Variants in RBFOX1 observed in about 807,000 individuals in gnomAD.
The protein encoded by RBFOX1 is RNA binding protein fox-1 homolog 1.
Under a neutral mutation model 57.7 loss-of-function variants are expected in RBFOX1, and 8 were observed. The ratio of observed to expected loss-of-function variants is 0.14; its 90% CI spans 0.08 to 0.25. The LOEUF (loss-of-function observed/expected upper bound fraction) is 0.25, where lower values mean the gene tolerates loss of function less well. RBFOX1 is among the 10% of genes least tolerant of loss of function. The pLI is 1.00. For missense variants in RBFOX1, 611 were observed against 548.5 expected, an observed-to-expected ratio of 1.11 and a Z score of -1.14; for synonymous variants, 326 against 222.4, an observed-to-expected ratio of 1.47 and a Z score of -4.15.
At chr16:7,262,407 T>C (rs971376599) in intron 4 of RBFOX1, among the ~76,000 whole-genome samples, 2 of 152,214 alleles carry the variant, frequency 1.3e-5, no homozygotes, top group South Asian at 2.1e-4. Flanking sequence ...TTCTGGAAAA[T>C]ACGGCACTGA....
chr16:6,632,961 G>C (rs1387656860), intron 2 of RBFOX1, among the ~76,000 whole-genome samples: 6 of 152,112 alleles, frequency 3.9e-5, no homozygotes, highest in Non-Finnish European at 7.3e-5. Flanking sequence ...TTTGGGTTCT[G>C]GCAGAGGTTA....
intron 3 of RBFOX1, among the ~76,000 whole-genome samples, chr16:6,972,357 C>G (rs559625438): frequency 1.3e-5 from 2 of 152,012 alleles, no homozygotes. Flanking sequence ...TTTCTCCTTT[C>G]GTGACTGGCT....
intron 3 of RBFOX1, among the ~76,000 whole-genome samples, chr16:6,969,961 G>T (rs924792785): frequency 6.6e-6 from 1 of 152,022 alleles, no homozygotes; most frequent in Non-Finnish European, 1.5e-5. Flanking sequence ...ATAAGGACAC[G>T]TGTTATTTTA....
chr16:6,652,765 G>A (rs1415766491), intron 2 of RBFOX1, among the ~76,000 whole-genome samples: 1 of 152,108 alleles, frequency 6.6e-6, no homozygotes, highest in Non-Finnish European at 1.5e-5. Context: ...CTCTGGGAGG[G>A]GAAGTGAAGA....
intron 3 of RBFOX1, among the ~76,000 whole-genome samples, chr16:5,606,792 C>T (rs2047597735): frequency 6.6e-6 from 1 of 152,010 alleles, no homozygotes; most frequent in African/African-American, 2.4e-5. Context: ...AGTCGTAACA[C>T]TGATTGCAGG....
At chr16:6,964,601 C>T (rs536761276) in intron 3 of RBFOX1, among the ~76,000 whole-genome samples, 2 of 152,014 alleles carry the variant, frequency 1.3e-5, no homozygotes, top group African/African-American at 4.8e-5. Context: ...TTTCTGTGAA[C>T]CTAATACTCC....
intron 2 of RBFOX1, among the ~76,000 whole-genome samples, chr16:5,579,009 G>A (rs979751381): frequency 6.6e-5 from 10 of 151,918 alleles, no homozygotes; most frequent in East Asian, 1.9e-4. Context: ...CATCACGCCC[G>A]GCTAATTTTT....
intron 3 of RBFOX1, among the ~76,000 whole-genome samples, chr16:5,825,685 C>T (rs1266642064): frequency 6.6e-6 from 1 of 152,180 alleles, no homozygotes; most frequent in East Asian, 1.9e-4. Flanking sequence ...TTTCATCACC[C>T]CAAAGTAAAG....
At chr16:5,548,170 A>ATATATATAT (rs1317008346) in intron 2 of RBFOX1, among the ~76,000 whole-genome samples, 40 of 40,668 alleles carry the variant, frequency 9.8e-4, no homozygotes, top group East Asian at 1.4e-3. Flanking sequence ...AAAAAAAAAA[A>ATATATATAT]AAAAATATAT....
chr16:5,360,141 A>G (rs548251394), intron 1 of RBFOX1, among the ~76,000 whole-genome samples: 4 of 152,342 alleles, frequency 2.6e-5, no homozygotes, highest in Non-Finnish European at 5.9e-5. Context: ...ATGTTGCTCC[A>G]TAGGCTCCTG....
intron 2 of RBFOX1, among the ~76,000 whole-genome samples, chr16:6,454,467 G>T (rs1220680079): frequency 6.6e-6 from 1 of 152,118 alleles, no homozygotes; most frequent in Non-Finnish European, 1.5e-5. Flanking sequence ...TGAGGAGGGA[G>T]GATCACCTGA....
At chr16:6,689,097 T>C (rs879281441) in intron 3 of RBFOX1, among the ~76,000 whole-genome samples, 2 of 152,216 alleles carry the variant, frequency 1.3e-5, no homozygotes, top group Non-Finnish European at 2.9e-5. Flanking sequence ...GCAATAAACA[T>C]ACATGTGCAT....
rs187553978 is a variant in RBFOX1 at position 6,745,369 on chromosome 16, A to G, written c.-16+90719A>G. The stretch of plus-strand genomic sequence containing the variant: ...GAAAAAACCCCCGAAACCACAGACT[A>G]GTCTTCCTCATGAATACCTATGTGA... On this transcript the variant is annotated intron_variant, in intron 3 of 15. Transcript: ENST00000550418. Among the ~76,000 whole-genome samples, 45 of 152,316 alleles carry G rather than the reference A, an allele frequency of 3.0e-4. 1 individual carries two copies. In the East Asian group the frequency reaches 5.2e-3, roughly 18 times the overall value.
chr16:6,305,003 T>G (rs2079313480), intron 1 of RBFOX1, among the ~76,000 whole-genome samples: 1 of 151,230 alleles, frequency 6.6e-6, no homozygotes, highest in Non-Finnish European at 1.5e-5. Flanking sequence ...ATAACCAAAG[T>G]GAATCTGTTG....
chr16:5,644,948 C>T (rs1420741007), intron 3 of RBFOX1, among the ~76,000 whole-genome samples: 2 of 151,924 alleles, frequency 1.3e-5, no homozygotes, highest in African/African-American at 4.8e-5. Context: ...ATGGATGAAC[C>T]TGGAAAACAT....
At chr16:6,513,788 G>A (rs1303298390) in intron 2 of RBFOX1, among the ~76,000 whole-genome samples, 2 of 152,076 alleles carry the variant, frequency 1.3e-5, no homozygotes, top group African/African-American at 2.4e-5. Context: ...TGACATCATT[G>A]TCTTGTTTCT....
intron 3 of RBFOX1, among the ~76,000 whole-genome samples, chr16:6,915,993 C>G (rs1597126655): frequency 6.9e-6 from 1 of 145,492 alleles, no homozygotes; most frequent in Non-Finnish European, 1.5e-5. Context: ...ACATTAAAAG[C>G]TGTTTTACTG....
intron 11 of RBFOX1, among the ~76,000 whole-genome samples, chr16:7,648,717 C>A (rs923421739): frequency 6.6e-6 from 1 of 152,060 alleles, no homozygotes; most frequent in East Asian, 1.9e-4. Context: ...TGATGAAGAC[C>A]CTTTAATAGG....
At chr16:6,913,283 A>G (rs1332232746) in intron 3 of RBFOX1, among the ~76,000 whole-genome samples, 1 of 152,126 alleles carries the variant, frequency 6.6e-6, no homozygotes. Flanking sequence ...TCATTTCCAT[A>G]ATTACAGCCT....
Sources: gnomAD v4.1 joint callset for allele counts (sites outside exome capture counted in the v4.1 genomes callset) on GRCh38, gnomAD v4.1.1 for gene constraint, MANE v1.5 for transcripts, NCBI Gene and HGNC (gene_info 2026-07-23, HGNC 2026-07-21) for gene names.